GLG1: variants seen among roughly 807,000 people sequenced by gnomAD.
The protein encoded by GLG1 is golgi glycoprotein 1.
A neutral mutation model predicts 160.5 loss-of-function variants in GLG1; 38 were observed. That is an observed-to-expected ratio of 0.24 (90% CI 0.18 to 0.31). The LOEUF (loss-of-function observed/expected upper bound fraction) is 0.31. Ranked by LOEUF, GLG1 falls within the 10% of genes least tolerant of loss-of-function variation. The probability of loss-of-function intolerance (pLI) is 1.00; values close to 1 mark genes in which losing one functional copy is unlikely to be tolerated. For missense variants in GLG1, 1,373 were observed against 1,505.2 expected (o/e 0.91, Z 1.45); for synonymous variants, 644 against 543.4 (o/e 1.19, Z -2.57).
chr16:74,595,877 A>AT (rs1958288434), intron 1 of GLG1, among the ~76,000 whole-genome samples: 2 of 152,214 alleles, frequency 1.3e-5, no homozygotes, highest in Admixed American at 1.3e-4. Flanking sequence ...TAATCCCAGC[A>AT]CTTTGGGAGG....
intron 1 of GLG1, among the ~76,000 whole-genome samples, chr16:74,569,222 G>A (rs556709407): frequency 6.6e-6 from 1 of 152,196 alleles, no homozygotes; most frequent in Admixed American, 6.5e-5. Context: ...AGAAAACCTC[G>A]AACTGTGAGA....
intron 1 of GLG1, among the ~76,000 whole-genome samples, chr16:74,568,331 C>G (rs2018718101): frequency 6.6e-6 from 1 of 152,020 alleles, no homozygotes; most frequent in Admixed American, 6.6e-5. Flanking sequence ...AGAATCATAA[C>G]TCCTAACTGA....
At chr16:74,504,754 G>A (rs548108501) in intron 3 of GLG1, among the ~76,000 whole-genome samples, 29 of 152,170 alleles carry the variant, frequency 1.9e-4, no homozygotes, top group Non-Finnish European at 4.1e-4. Flanking sequence ...TTGGGAAGGG[G>A]AACCTAGTTT....
chr16:74,469,146 A>C, intron 16 of GLG1, 83 bp from the exon 17 acceptor site: 1 of 848,618 alleles, frequency 1.2e-6, no homozygotes, highest in Non-Finnish European at 2.0e-6. Flanking sequence ...GGGTCACACC[A>C]TTAAGAATTC....
chr16:74,493,984 G>C (rs1046686712), intron 6 of GLG1, among the ~76,000 whole-genome samples: 5 of 152,004 alleles, frequency 3.3e-5, no homozygotes, highest in Middle Eastern at 3.4e-3. Context: ...AGAGCAGCTT[G>C]GCCAACATGG....
intron 19 of GLG1, among the ~76,000 whole-genome samples, chr16:74,464,735 C>G (rs916164156): frequency 6.6e-6 from 1 of 152,170 alleles, no homozygotes; most frequent in Non-Finnish European, 1.5e-5. Context: ...TACATTCTAA[C>G]TTTCAAAATT....
Position 74,481,387 on chromosome 16 carries a change from G to A in GLG1, c.1674-993C>T, listed in dbSNP as rs541213844. The stretch of plus-strand genomic sequence containing the variant: ...ATTATATTGTCAACTTTGGTAGATG[G>A]CTAGTTAATGGGAGAAAAAAGCTAA... On this transcript the variant is annotated intron_variant, in intron 10 of 25. Coordinates refer to ENST00000422840, the MANE Select transcript of GLG1 (RefSeq NM_001145667.2). 7.2e-5 allele frequency among the ~76,000 whole-genome samples: 11 copies of A among 152,236 alleles called. No individual in the cohort carries two copies. In the South Asian group the frequency reaches 2.3e-3, roughly 32 times the overall value.
At chr16:74,551,629 TAAAAG>T (rs1286060300) in intron 1 of GLG1, among the ~76,000 whole-genome samples, 2 of 151,060 alleles carry the variant, frequency 1.3e-5, no homozygotes, top group Admixed American at 6.6e-5. Flanking sequence ...TTTTTTTAAA[TAAAAG>T]AAAATACAAC....
At chr16:74,518,028 C>G (rs567612250) in intron 2 of GLG1, among the ~76,000 whole-genome samples, 1 of 152,158 alleles carries the variant, frequency 6.6e-6, no homozygotes, top group African/African-American at 2.4e-5. Flanking sequence ...GAACTACAAA[C>G]CACTGCTCAA....
chr16:74,557,400 G>C (rs932471268), intron 1 of GLG1, among the ~76,000 whole-genome samples: 2 of 152,096 alleles, frequency 1.3e-5, no homozygotes, highest in Non-Finnish European at 2.9e-5. Flanking sequence ...CTTTAGGTCT[G>C]GGGAGAGGCA....
chr16:74,579,805 C>T (rs1335252043), intron 1 of GLG1, among the ~76,000 whole-genome samples: 4 of 152,136 alleles, frequency 2.6e-5, no homozygotes, highest in African/African-American at 7.2e-5. Flanking sequence ...TGGCTCACGC[C>T]TGTAATCCCA....
intron 1 of GLG1, among the ~76,000 whole-genome samples, chr16:74,542,277 T>C (rs1172817209): frequency 6.7e-6 from 1 of 148,840 alleles, no homozygotes; most frequent in Non-Finnish European, 1.5e-5. Flanking sequence ...ATGGCATCCT[T>C]TTATATTCTT....
intron 3 of GLG1, among the ~76,000 whole-genome samples, chr16:74,508,493 A>G (rs1334338847): frequency 2.0e-5 from 3 of 152,186 alleles, no homozygotes; most frequent in South Asian, 2.1e-4. Context: ...CTGCATAGCC[A>G]AAACAGGAAT....
At chr16:74,466,406 C>G (rs1400559021) in intron 18 of GLG1, among the ~76,000 whole-genome samples, 1 of 152,182 alleles carries the variant, frequency 6.6e-6, no homozygotes, top group Non-Finnish European at 1.5e-5. Flanking sequence ...GAAATCTTCC[C>G]TTCCCTAAAC....
chr16:74,553,219 C>CA (rs557115728), intron 1 of GLG1, among the ~76,000 whole-genome samples: 1,780 of 123,984 alleles, frequency 0.014, 15 homozygotes, highest in African/African-American at 0.019. Context: ...AACTCTGTCT[C>CA]AAAAAAAAAA....
chr16:74,482,727 A>C (rs2143323793), intron 10 of GLG1, among the ~76,000 whole-genome samples: 1 of 152,336 alleles, frequency 6.6e-6, no homozygotes, highest in African/African-American at 2.4e-5. Context: ...CCACCCCCAC[A>C]GGTGCCATAC....
At chr16:74,603,170 G>A (rs1460191319) in intron 1 of GLG1, among the ~76,000 whole-genome samples, 1 of 152,052 alleles carries the variant, frequency 6.6e-6, no homozygotes, top group Admixed American at 6.6e-5. Flanking sequence ...CCAGCACTTT[G>A]GGAGACCAAG....
At chr16:74,572,271 G>T (rs1198385978) in intron 1 of GLG1, among the ~76,000 whole-genome samples, 2 of 152,150 alleles carry the variant, frequency 1.3e-5, no homozygotes, top group Non-Finnish European at 2.9e-5. Flanking sequence ...AGCACTTGGG[G>T]AGGCCGAAAT....
At chr16:74,457,607 C>G (rs2014609275) in intron 24 of GLG1, among the ~76,000 whole-genome samples, 2 of 152,108 alleles carry the variant, frequency 1.3e-5, no homozygotes, top group Admixed American at 1.3e-4. Context: ...TTCTGCTTCC[C>G]TAATAAATAC....
Sources: gnomAD v4.1 joint callset for allele counts (sites outside exome capture counted in the v4.1 genomes callset) on GRCh38, gnomAD v4.1.1 for gene constraint, MANE v1.5 for transcripts, NCBI Gene and HGNC (gene_info 2026-07-23, HGNC 2026-07-21) for gene names.